The following COBL variants were observed in gnomAD, a reference collection of about 807,000 sequenced individuals.
The protein encoded by COBL is cordon-bleu WH2 repeat protein.
COBL carries 51 observed loss-of-function variants against 98.8 expected under a neutral mutation model. The ratio of observed to expected loss-of-function variants is 0.52; its 90% CI spans 0.41 to 0.65. The LOEUF is 0.65. Among genes scored for constraint, COBL ranks in the 30% least tolerant of loss-of-function variants. The pLI, the probability that COBL is intolerant of heterozygous loss-of-function variation, is 0.00. For synonymous variants in COBL, 634 were observed against 651.7 expected (o/e 0.97, Z 0.41); for missense variants, 1,617 against 1,617.5 (o/e 1.00, Z 0.01).
intron 5 of COBL, among the ~76,000 whole-genome samples, chr7:51,148,160 A>G (rs1016028005): frequency 3.3e-5 from 5 of 152,126 alleles, no homozygotes; most frequent in African/African-American, 1.2e-4. Context: ...TCCTAATTAG[A>G]CGGAGAGGAG....
Position 51,028,767 on chromosome 7 carries a change from CCA to C in COBL, c.2327_2328del (p.Val776GlyfsTer48), listed in dbSNP as rs1423034697. ...TCTGAGGGTCGGCCCAGGTGTTTTTCCACAGAGTTGCACCTCCAGAACTCTCT... is the reference window on the plus strand; with the variant it reads ...TCTGAGGGTCGGCCCAGGTGTTTTTCCAGAGTTGCACCTCCAGAACTCTCT... Reference protein sequence around the residue: ...KVREFWRCNSVEKHLGRPSES... With the variant: ...KVREFWRCNSXEKHLGRPSES... On this transcript the variant is annotated frameshift_variant, in exon 10 of 13. Coordinates refer to ENST00000265136, the MANE Select transcript of COBL (RefSeq NM_015198.5). LOFTEE classifies it high-confidence loss of function. 2 of 1,614,082 alleles carry C rather than the reference CCA, an allele frequency of 1.2e-6. No homozygotes were observed. The highest frequency in any genetic ancestry group is 2.2e-5 in the East Asian group (1 of 44,886).
chr7:51,035,805 G>T (rs1788576337), intron 8 of COBL: 1 of 152,220 alleles, frequency 6.6e-6, no homozygotes, highest in African/African-American at 2.4e-5. Context: ...GCGCTCGGCA[G>T]CCACACACAT....
chr7:51,140,421 C>T (rs1409855077), intron 5 of COBL, among the ~76,000 whole-genome samples: 1 of 152,206 alleles, frequency 6.6e-6, no homozygotes, highest in Non-Finnish European at 1.5e-5. Flanking sequence ...GAAGAGGAAG[C>T]TAACCGTTTC....
rs1554364724 is a variant in COBL, at chr7:51,061,950, T to TACACACACACACACACATAC, written c.1097-18259_1097-18258insGTATGTGTGTGTGTGTGTGT. Among the ~76,000 whole-genome samples the TACACACACACACACACATAC allele has an allele frequency of 8.2e-3, 1,196 of 145,508 alleles. 24 individuals are homozygous for TACACACACACACACACATAC. The highest frequency in any genetic ancestry group is 0.031 in the African/African-American group (1,153 of 36,766). On this transcript the variant is annotated intron_variant, in intron 7 of 12. Transcript: ENST00000265136. ...AAAAAAAATCTCTCCCCACCATAGA[T>TACACACACACACACACATAC]ACACACACACACACACACACACACA...
Position 51,028,018 on chromosome 7 carries a change from T to A in COBL, c.3078A>T (p.Thr1026=), listed in dbSNP as rs999908607. ...CCCTGCTGCAGGCCTGAGTGTCAGA[T>A]GTGTGTGGAGGGGGTGGGTCTGTAC... ...PDGTDPPPPH[T]SDTQACSREL... Residue 1026 remains threonine (T), a synonymous_variant, in exon 10 of 13, where the codon ACA becomes ACT. Transcript: ENST00000265136. The A allele has an allele frequency of 3.7e-6, 6 of 1,604,192 alleles. No homozygotes were observed. Among genetic ancestry groups the A allele is most frequent in the Non-Finnish European group, 5.1e-6 (6 of 1,174,948 alleles).
rs142094232 is a variant in COBL, at chr7:51,031,053, C to A, written c.1407-144G>T. ...CACTGTACTGCTGTTGTCCTCAGAACTACGGAGACGCAGATTGTTCATGGG... is the reference window on the plus strand; with the variant it reads ...CACTGTACTGCTGTTGTCCTCAGAAATACGGAGACGCAGATTGTTCATGGG... On this transcript the variant is annotated intron_variant, in intron 8 of 12. Coordinates refer to ENST00000265136, the MANE Select transcript of COBL (RefSeq NM_015198.5). The A allele has an allele frequency of 6.2e-6, 4 of 642,874 alleles. No homozygotes were observed. In the East Asian group the frequency reaches 8.2e-5, roughly 13 times the overall value. The allele number at this position is 642,874 out of a possible 1,614,324, so 39.8% of individuals were successfully genotyped here.
At chr7:51,199,755 G>A (rs1422135555) in intron 2 of COBL, among the ~76,000 whole-genome samples, 12 of 151,262 alleles carry the variant, frequency 7.9e-5, no homozygotes, top group South Asian at 4.2e-4. Context: ...TCTGAAGCCT[G>A]GTCATTTGAA....
chr7:51,154,743 G>A (rs986310620), intron 5 of COBL, among the ~76,000 whole-genome samples: 2 of 152,326 alleles, frequency 1.3e-5, no homozygotes, highest in Middle Eastern at 3.4e-3. Flanking sequence ...AAACACTCAA[G>A]AAAATATCAT....
intron 1 of COBL, among the ~76,000 whole-genome samples, chr7:51,222,718 GAA>G: frequency 6.8e-6 from 1 of 146,660 alleles, no homozygotes; most frequent in East Asian, 2.2e-4. Context: ...GTTTTCAGGG[GAA>G]AAAAAAAAAA....
At chr7:51,235,545 G>A (rs1035171566) in intron 1 of COBL, among the ~76,000 whole-genome samples, 3 of 152,128 alleles carry the variant, frequency 2.0e-5, no homozygotes, top group Non-Finnish European at 4.4e-5. Context: ...CTGCAAGTGC[G>A]TGATTTCCAG....
chr7:51,178,554 C>T (rs1290553968), intron 5 of COBL, among the ~76,000 whole-genome samples: 1 of 151,970 alleles, frequency 6.6e-6, no homozygotes, highest in Non-Finnish European at 1.5e-5. Flanking sequence ...TTTGAATAAG[C>T]TGCAATAAAA....
At chr7:51,057,804 T>A (rs1790915766) in intron 7 of COBL, among the ~76,000 whole-genome samples, 1 of 152,124 alleles carries the variant, frequency 6.6e-6, no homozygotes, top group Non-Finnish European at 1.5e-5. Context: ...CCTTAGGGTT[T>A]CAGGGTCTGT....
intron 5 of COBL, among the ~76,000 whole-genome samples, chr7:51,166,640 G>GAC (rs1233361512): frequency 1.3e-5 from 2 of 151,916 alleles, no homozygotes; most frequent in Non-Finnish European, 2.9e-5. Flanking sequence ...ACCAGACAAT[G>GAC]ACACATCAAC....
chr7:51,148,308 T>C (rs1785236419), intron 5 of COBL, among the ~76,000 whole-genome samples: 2 of 152,188 alleles, frequency 1.3e-5, no homozygotes, highest in African/African-American at 4.8e-5. Flanking sequence ...CGCTTTGTCT[T>C]TCTCTCACAG....
chr7:51,193,365 A>G lies in COBL; in HGVS notation c.456+14T>C. ...CATTCAGACACAGGTATTTCCATGT[A>G]GGTACCTACTAACCTCAGGCACCTT... On this transcript the variant is annotated intron_variant, in intron 3 of 12. Coordinates refer to ENST00000265136, the MANE Select transcript of COBL (RefSeq NM_015198.5). 2 of 1,611,350 alleles carry G rather than the reference A, an allele frequency of 1.2e-6. No individual in the cohort carries two copies. The highest frequency in any genetic ancestry group is 8.5e-7 in the Non-Finnish European group (1 of 1,177,606).
At chr7:51,034,964 G>C (rs1788491815) in intron 8 of COBL, 2 of 152,240 alleles carry the variant, frequency 1.3e-5, no homozygotes, top group Non-Finnish European at 2.9e-5. Context: ...GGACTCTGCA[G>C]GGAATGTGAA....
At chr7:51,027,645 G>A (rs1244875277) in intron 10 of COBL, 67 bp downstream of exon 10, 8 of 1,307,664 alleles carry the variant, frequency 6.1e-6, no homozygotes, top group African/African-American at 1.5e-5. Flanking sequence ...TTTATTCTGA[G>A]ACTCTGAGAC....
chr7:51,072,130 G>C (rs1792617709), intron 7 of COBL: 1 of 151,182 alleles, frequency 6.6e-6, no homozygotes. Flanking sequence ...TACATGTCAG[G>C]AATACTTACT....
intron 1 of COBL, among the ~76,000 whole-genome samples, chr7:51,246,580 G>A (rs1286008279): frequency 1.3e-5 from 2 of 152,162 alleles, no homozygotes; most frequent in Non-Finnish European, 2.9e-5. Context: ...CCTGCACACC[G>A]TACAGTGTAG....
Sources: gnomAD v4.1 joint callset for allele counts (sites outside exome capture counted in the v4.1 genomes callset) on GRCh38, gnomAD v4.1.1 for gene constraint, MANE v1.5 for transcripts, NCBI Gene and HGNC (gene_info 2026-07-23, HGNC 2026-07-21) for gene names.